The following CLNK variants were observed in gnomAD, a reference collection of about 807,000 sequenced individuals.
CLNK encodes cytokine-dependent hematopoietic cell linker.
CLNK carries 74 observed loss-of-function variants against 68.6 expected under a neutral mutation model. The ratio of observed to expected loss-of-function variants is 1.08; its 90% CI spans 0.89 to 1.31. CLNK has a LOEUF of 1.31. Among genes scored for constraint, CLNK ranks in the 50% most tolerant of loss-of-function variants. The pLI is 0.00. For missense variants in CLNK, 553 were observed against 515.3 expected, an observed-to-expected ratio of 1.07 and a Z score of -0.71; for synonymous variants, 198 against 172.2, an observed-to-expected ratio of 1.15 and a Z score of -1.17.
intron 2 of CLNK, among the ~76,000 whole-genome samples, chr4:10,633,443 C>A (rs1722965927): frequency 6.6e-6 from 1 of 152,190 alleles, no homozygotes; most frequent in African/African-American, 2.4e-5. Context: ...TTACTCTGTG[C>A]CAGATGATAG....
At position 10,545,840 on chromosome 4, in the gene CLNK, T is replaced by C. The variant is rs570350653; in HGVS notation, c.446-3560A>G. Reference sequence around the variant, plus strand: ...TGCAGAATTAGCACCACACAGATACTGCCAAGGTTTAAAACTTGTACCTTG... The same window carrying C: ...TGCAGAATTAGCACCACACAGATACCGCCAAGGTTTAAAACTTGTACCTTG... On this transcript the variant is annotated intron_variant, in intron 8 of 18. Coordinates refer to ENST00000226951, the MANE Select transcript of CLNK (RefSeq NM_052964.4). Among the ~76,000 whole-genome samples, 10 of 152,314 alleles carry C rather than the reference T, an allele frequency of 6.6e-5. No homozygotes were observed. The South Asian group carries it at 1.5e-3, about 22-fold the overall frequency.
intron 17 of CLNK, 102 bp downstream of exon 17, chr4:10,507,856 TA>T (rs1263146589): frequency 3.7e-6 from 3 of 816,386 alleles, no homozygotes; most frequent in Non-Finnish European, 5.9e-6. Flanking sequence ...ATGCAGGAAA[TA>T]ATACATGAAA....
At chr4:10,492,629 G>A (rs1234357972) in intron 18 of CLNK, among the ~76,000 whole-genome samples, 1 of 152,168 alleles carries the variant, frequency 6.6e-6, no homozygotes, top group Non-Finnish European at 1.5e-5. Context: ...TTCTGTTAGA[G>A]GCGCACTGAA....
At chr4:10,606,430 C>T (rs572644161) in intron 2 of CLNK, among the ~76,000 whole-genome samples, 2 of 145,958 alleles carry the variant, frequency 1.4e-5, no homozygotes, top group African/African-American at 5.0e-5. Context: ...TTACAGTTAA[C>T]TTTTTTTTTT....
chr4:10,636,598 G>A (rs1723100788), intron 2 of CLNK, among the ~76,000 whole-genome samples: 1 of 152,160 alleles, frequency 6.6e-6, no homozygotes, highest in African/African-American at 2.4e-5. Context: ...GAGTGGTCTT[G>A]GGTAGAGGGG....
intron 11 of CLNK, among the ~76,000 whole-genome samples, chr4:10,534,802 T>C (rs537335474): frequency 6.6e-6 from 1 of 152,346 alleles, no homozygotes; most frequent in South Asian, 2.1e-4. Context: ...ACAGTTCCTA[T>C]GTGCCCTATA....
the CLNK span, among the ~76,000 whole-genome samples, chr4:10,695,288 C>T: frequency 0.01 from 1,559 of 152,152 alleles, 66 homozygotes; most frequent in Admixed American, 0.078. Context: ...TCACATTGTA[C>T]TCCTTAAATA....
At chr4:10,725,788 G>GACCTTGCAGTGAGCCGAGATGCGC in the CLNK span, among the ~76,000 whole-genome samples, 1 of 151,800 alleles carries the variant, frequency 6.6e-6, no homozygotes, top group African/African-American at 2.4e-5. Flanking sequence ...CCGGGAGGCG[G>GACCTTGCAGTGAGCCGAGATGCGC]ACCTTGCAGT....
the CLNK span, among the ~76,000 whole-genome samples, chr4:10,716,818 C>A: frequency 6.6e-6 from 1 of 151,648 alleles, no homozygotes; most frequent in African/African-American, 2.4e-5. Context: ...CCCAGCCTCC[C>A]AAGTAGCTGG....
chr4:10,701,309 C>A, the CLNK span, among the ~76,000 whole-genome samples: 3 of 152,218 alleles, frequency 2.0e-5, no homozygotes, highest in Non-Finnish European at 4.4e-5. Context: ...TTGCCTCTCT[C>A]TTAGCCAGTG....
intron 14 of CLNK, among the ~76,000 whole-genome samples, chr4:10,521,982 G>A (rs187553967): frequency 6.6e-6 from 1 of 152,242 alleles, no homozygotes; most frequent in Admixed American, 6.5e-5. Context: ...ATTAAGTCTG[G>A]GCGTGTTGGC....
chr4:10,646,619 G>A (rs1251736179), intron 2 of CLNK, among the ~76,000 whole-genome samples: 1 of 152,160 alleles, frequency 6.6e-6, no homozygotes, highest in Non-Finnish European at 1.5e-5. Flanking sequence ...TGTGCTTCTT[G>A]GCACAGAGTG....
At chr4:10,696,933 G>C in the CLNK span, among the ~76,000 whole-genome samples, 1 of 152,138 alleles carries the variant, frequency 6.6e-6, no homozygotes, top group South Asian at 2.1e-4. Flanking sequence ...AAAATCTTTG[G>C]ATTTCAAATG....
At chr4:10,531,181 C>T (rs1718523970) in intron 12 of CLNK, among the ~76,000 whole-genome samples, 1 of 152,142 alleles carries the variant, frequency 6.6e-6, no homozygotes, top group Non-Finnish European at 1.5e-5. Context: ...TGAGGTGAGG[C>T]CACTTGTGTT....
intron 8 of CLNK, among the ~76,000 whole-genome samples, chr4:10,555,526 A>G (rs560218538): frequency 8.5e-4 from 129 of 152,222 alleles, no homozygotes; most frequent in Admixed American, 2.1e-3. Flanking sequence ...ACCTATTTTT[A>G]GGAATGAAAA....
intron 3 of CLNK, among the ~76,000 whole-genome samples, chr4:10,594,254 G>A (rs545200639): frequency 6.6e-6 from 1 of 152,260 alleles, no homozygotes; most frequent in South Asian, 2.1e-4. Context: ...AACAGCTCCT[G>A]CACCCACCAT....
chr4:10,715,060 A>G, the CLNK span, among the ~76,000 whole-genome samples: 1 of 152,176 alleles, frequency 6.6e-6, no homozygotes. Context: ...GGGGAACAAA[A>G]ACAATAAATT....
chr4:10,648,064 C>A (rs1217519330), intron 2 of CLNK, among the ~76,000 whole-genome samples: 1 of 152,190 alleles, frequency 6.6e-6, no homozygotes. Context: ...AAATTGGAAT[C>A]ATGCCTCGTA....
chr4:10,505,033 C>T (rs1470794833), intron 17 of CLNK, among the ~76,000 whole-genome samples: 2 of 152,158 alleles, frequency 1.3e-5, no homozygotes, highest in Non-Finnish European at 2.9e-5. Flanking sequence ...CAGCACAATC[C>T]ACACATGGGC....
Sources: allele counts gnomAD v4.1 joint callset (sites outside exome capture counted in the v4.1 genomes callset), GRCh38; gene constraint gnomAD v4.1.1; transcripts MANE v1.5; gene names NCBI Gene and HGNC (gene_info 2026-07-23, HGNC 2026-07-21).